Variants in KCNIP1 observed in about 807,000 individuals in gnomAD.
The protein encoded by KCNIP1 is potassium voltage-gated channel interacting protein 1, also known as A-type potassium channel modulatory protein KCNIP1.
Under a neutral mutation model 33.0 loss-of-function variants are expected in KCNIP1, and 18 were observed. That is an observed-to-expected ratio of 0.55 (90% CI 0.38 to 0.81). The LOEUF (loss-of-function observed/expected upper bound fraction) is 0.81. Among genes scored for constraint, KCNIP1 ranks in the 30% least tolerant of loss-of-function variants. The probability of loss-of-function intolerance (pLI) is 0.00; values close to 1 mark genes in which losing one functional copy is unlikely to be tolerated. For missense variants in KCNIP1, 238 were observed against 271.6 expected, an observed-to-expected ratio of 0.88 and a Z score of 0.87; for synonymous variants, 93 against 98.3, an observed-to-expected ratio of 0.95 and a Z score of 0.32.
intron 1 of KCNIP1, among the ~76,000 whole-genome samples, chr5:170,408,403 T>C (rs201689340): frequency 1.3e-5 from 2 of 152,258 alleles, no homozygotes; most frequent in East Asian, 3.9e-4. Context: ...TGTAATCTGC[T>C]CTCACCACGG....
At chr5:170,655,233 G>A (rs922155567) in intron 1 of KCNIP1, among the ~76,000 whole-genome samples, 1 of 152,224 alleles carries the variant, frequency 6.6e-6, no homozygotes, top group East Asian at 1.9e-4. Flanking sequence ...CTTTAGTTGT[G>A]CATTAGATGA....
intron 1 of KCNIP1, among the ~76,000 whole-genome samples, chr5:170,369,028 T>C (rs201351651): frequency 2.6e-5 from 4 of 152,352 alleles, no homozygotes; most frequent in South Asian, 4.1e-4. Context: ...TGAACCTAGA[T>C]GAAGGGGAGG....
At chr5:170,655,653 GT>G (rs747381050) in intron 1 of KCNIP1, among the ~76,000 whole-genome samples, 1 of 152,142 alleles carries the variant, frequency 6.6e-6, no homozygotes, top group Non-Finnish European at 1.5e-5. Context: ...TCTCCTTGGT[GT>G]GTCAGAGTAG....
At chr5:170,400,853 T>C (rs1754885341) in intron 1 of KCNIP1, among the ~76,000 whole-genome samples, 1 of 152,238 alleles carries the variant, frequency 6.6e-6, no homozygotes, top group African/African-American at 2.4e-5. Flanking sequence ...AGCCATTCGA[T>C]ACAATAGCCA....
intron 1 of KCNIP1, among the ~76,000 whole-genome samples, chr5:170,363,283 C>T (rs112675507): frequency 7.1e-4 from 108 of 152,340 alleles, no homozygotes; most frequent in African/African-American, 2.5e-3. Context: ...ACTTCTGTCA[C>T]AGACTGAATT....
At chr5:170,592,016 C>G (rs1758280956) in intron 1 of KCNIP1, among the ~76,000 whole-genome samples, 1 of 152,180 alleles carries the variant, frequency 6.6e-6, no homozygotes, top group Non-Finnish European at 1.5e-5. Context: ...CTTTTAGGAA[C>G]TGCCATATTG....
intron 1 of KCNIP1, among the ~76,000 whole-genome samples, chr5:170,706,400 G>T: frequency 6.6e-6 from 1 of 152,132 alleles, no homozygotes; most frequent in East Asian, 1.9e-4. Context: ...CACACTAACA[G>T]CCTGAACTGG....
At chr5:170,446,927 C>T (rs1202583076) in intron 1 of KCNIP1, among the ~76,000 whole-genome samples, 3 of 152,232 alleles carry the variant, frequency 2.0e-5, no homozygotes, top group African/African-American at 7.2e-5. Flanking sequence ...AATTTCCTCT[C>T]TCTACATGCC....
At chr5:170,414,884 T>C (rs1755287253) in intron 1 of KCNIP1, among the ~76,000 whole-genome samples, 1 of 152,240 alleles carries the variant, frequency 6.6e-6, no homozygotes, top group South Asian at 2.1e-4. Context: ...GCTTCTTGTT[T>C]CTATGTGTGA....
intron 1 of KCNIP1, among the ~76,000 whole-genome samples, chr5:170,485,097 C>T (rs995869053): frequency 5.3e-5 from 8 of 152,074 alleles, no homozygotes; most frequent in South Asian, 2.1e-4. Flanking sequence ...TGCGCCACCA[C>T]GCCCGGCTAA....
chr5:170,547,439 G>C (rs1449494938), intron 1 of KCNIP1, among the ~76,000 whole-genome samples: 1 of 152,144 alleles, frequency 6.6e-6, no homozygotes, highest in Non-Finnish European at 1.5e-5. Flanking sequence ...AGGTAAATAT[G>C]TGTCATGGGG....
At chr5:170,600,962 C>T (rs1758668550) in intron 1 of KCNIP1, among the ~76,000 whole-genome samples, 1 of 152,254 alleles carries the variant, frequency 6.6e-6, no homozygotes, top group Non-Finnish European at 1.5e-5. Flanking sequence ...TCTACCTAGA[C>T]AGACTTCATA....
chr5:170,461,885 T>C (rs1168213265), intron 1 of KCNIP1, among the ~76,000 whole-genome samples: 1 of 152,030 alleles, frequency 6.6e-6, no homozygotes, highest in African/African-American at 2.4e-5. Context: ...ATTCAAGGAA[T>C]AGTGCTGGGA....
At chr5:170,511,396 G>T (rs1754926354) in intron 1 of KCNIP1, among the ~76,000 whole-genome samples, 1 of 152,176 alleles carries the variant, frequency 6.6e-6, no homozygotes, top group Non-Finnish European at 1.5e-5. Context: ...GATGATGACG[G>T]TGTTACCCTT....
At chr5:170,628,721 G>T (rs74698444) in intron 1 of KCNIP1, among the ~76,000 whole-genome samples, 3 of 152,180 alleles carry the variant, frequency 2.0e-5, no homozygotes, top group African/African-American at 7.2e-5. Context: ...GAAGACACCC[G>T]TCAATACATG....
chr5:170,360,581 T>A (rs1390989213), intron 1 of KCNIP1, among the ~76,000 whole-genome samples: 1 of 152,188 alleles, frequency 6.6e-6, no homozygotes, highest in East Asian at 1.9e-4. Context: ...CCTCTGTGGG[T>A]CAAGTCCTCT....
chr5:170,485,694 G>A (rs1408079027), intron 1 of KCNIP1, among the ~76,000 whole-genome samples: 1 of 152,174 alleles, frequency 6.6e-6, no homozygotes, highest in Admixed American at 6.5e-5. Context: ...TCAGAGGAAG[G>A]CCAAGGCCTC....
At chr5:170,501,015 C>T (rs1218591967), upstream of KCNIP1, among the ~76,000 whole-genome samples, 5 of 152,188 alleles carry the variant, frequency 3.3e-5, no homozygotes, top group Non-Finnish European at 7.3e-5. Context: ...CATAGGTTGG[C>T]TGCACCCCTG....
At chr5:170,670,679 G>T (rs1486332007) in intron 1 of KCNIP1, among the ~76,000 whole-genome samples, 2 of 152,184 alleles carry the variant, frequency 1.3e-5, no homozygotes, top group Admixed American at 1.3e-4. Context: ...GACCGCCTGA[G>T]CTCAGGAGTT....
Sources: allele counts gnomAD v4.1 joint callset (sites outside exome capture counted in the v4.1 genomes callset), GRCh38; gene constraint gnomAD v4.1.1; transcripts MANE v1.5; gene names NCBI Gene and HGNC (gene_info 2026-07-23, HGNC 2026-07-21).